The following PLCD3 variants were observed in gnomAD, a reference collection of about 807,000 sequenced individuals.
PLCD3 encodes the protein phospholipase C delta 3, also known as 1-phosphatidylinositol 4,5-bisphosphate phosphodiesterase delta-3.
A neutral mutation model predicts 82.8 loss-of-function variants in PLCD3; 62 were observed. The observed-to-expected ratio is 0.75, with a 90% CI of 0.61 to 0.93. PLCD3 has a LOEUF of 0.93. Among genes scored for constraint, PLCD3 ranks in the 40% least tolerant of loss-of-function variants. The pLI, the probability that PLCD3 is intolerant of heterozygous loss-of-function variation, is 0.00. For missense variants in PLCD3, 1,023 were observed against 1,103.4 expected, an observed-to-expected ratio of 0.93 and a Z score of 1.03; for synonymous variants, 478 against 471.8, an observed-to-expected ratio of 1.01 and a Z score of -0.17.
Position 45,118,311 on chromosome 17 carries a change from G to A in PLCD3, c.1095C>T (p.Ser365=). Residue 365 remains serine (S), a synonymous_variant, in exon 6 of 15, where the codon AGC becomes AGT. Transcript: ENST00000619929. The surrounding 1 kb of genome is among the most constrained non-coding windows in gnomAD (Gnocchi z 4.1). ...AGTACCTAACATAGGCCTCGGTGCT[G>A]CTGGGCCCCCCGATCTGGGAGTCAG... is the stretch of plus-strand genomic sequence containing the variant. ...YLTDSQIGGP[S]STEAYVRAFA... The A allele has an allele frequency of 6.2e-7, 1 of 1,614,064 alleles. No individual in the cohort carries two copies.
At chr17:45,120,530 C>T (rs2054328082) in intron 3 of PLCD3, 76 bp from the exon 4 acceptor site, 1 of 1,594,112 alleles carries the variant, frequency 6.3e-7, no homozygotes, top group Non-Finnish European at 8.6e-7. Context: ...TAAGTCACCC[C>T]CACCTGGGTC....
intron 2 of PLCD3, 33 bp from the exon 3 acceptor site, chr17:45,121,163 G>A (rs779925666): frequency 3.9e-6 from 6 of 1,523,996 alleles, no homozygotes; most frequent in South Asian, 2.5e-5. Context: ...GCGGAGGACC[G>A]GGCCTGTCCC....
intron 10 of PLCD3, 69 bp from the exon 11 acceptor site, chr17:45,114,435 C>T: frequency 1.5e-6 from 2 of 1,301,782 alleles, no homozygotes; most frequent in Non-Finnish European, 1.1e-6. Flanking sequence ...CGGCCTGTAA[C>T]CTCCAGGGAA....
intron 1 of PLCD3, among the ~76,000 whole-genome samples, chr17:45,123,959 C>CA (rs993389753): frequency 7.3e-6 from 1 of 136,208 alleles, no homozygotes; most frequent in Non-Finnish European, 1.6e-5. Context: ...TCACCAGACC[C>CA]CCCCCCCAAC....
chr17:45,122,222 A>G (rs1436278285), intron 1 of PLCD3, among the ~76,000 whole-genome samples: 2 of 151,924 alleles, frequency 1.3e-5, no homozygotes, highest in Admixed American at 1.3e-4. Flanking sequence ...TGCCCAGCTG[A>G]TCTCCAGGCA....
rs754972053 is a variant in PLCD3 at position 45,118,508 on chromosome 17, G to A, written c.914-16C>T. ...TGCTGCTTGGCTGCAGGGGTGGCAGGAGAGGGCATCAGGCCACATAGGGAT... is the reference window on the plus strand; with the variant it reads ...TGCTGCTTGGCTGCAGGGGTGGCAGAAGAGGGCATCAGGCCACATAGGGAT... On this transcript the variant is annotated splice_polypyrimidine_tract_variant and intron_variant, in intron 5 of 14. Transcript: ENST00000619929. This position sits in a 1 kb window ranked among gnomAD's most constrained non-coding sequence, Gnocchi z 4.1. The A allele has an allele frequency of 2.5e-6, 4 of 1,613,542 alleles. No homozygotes were observed. In the South Asian group the frequency reaches 3.3e-5, roughly 13 times the overall value.
chr17:45,130,652 C>A (rs2054413249), intron 1 of PLCD3, among the ~76,000 whole-genome samples: 1 of 152,152 alleles, frequency 6.6e-6, no homozygotes, highest in Non-Finnish European at 1.5e-5. Flanking sequence ...CTGGTCCCCA[C>A]CCCTTGCCCA....
In PLCD3 at chr17:45,121,214, T is replaced by A; in HGVS notation, c.322A>T (p.Ile108Phe). The A allele has an allele frequency of 3.2e-6, 5 of 1,584,604 alleles. No homozygotes were observed. Among genetic ancestry groups the A allele is most frequent in the Non-Finnish European group, 4.3e-6 (5 of 1,173,786 alleles). ...RRIPRAPSQH[I>F]FFVQHIEAVR... is the part of the protein sequence containing the mutation. ...CCGGCGCTCCCCGGCCTCTCACAGA[T>A]GTGCTGCGATGGCGCACGCGGGATG... Residue 108 changes from isoleucine to phenylalanine, a missense_variant, in exon 2 of 15, where the codon ATC (isoleucine) becomes TTC (phenylalanine). Physicochemically the swap from Ile to Phe is conservative, Grantham distance 21. Coordinates refer to ENST00000619929, the MANE Select transcript of PLCD3 (RefSeq NM_133373.5).
At chr17:45,127,224 A>T (rs12603905) in intron 1 of PLCD3, among the ~76,000 whole-genome samples, 32,103 of 152,088 alleles carry the variant, frequency 0.21, 3,559 homozygotes, top group Middle Eastern at 0.33. Context: ...ACGTGTTCTG[A>T]TCCATCTGTC....
chr17:45,113,426 C>T lies in PLCD3; in HGVS notation c.1995+13G>A, dbSNP rs1396987866. On this transcript the variant is annotated intron_variant, in intron 12 of 14. Transcript: ENST00000619929. ...GTCTGACCCCACACTGGGGCCCGTT[C>T]CAGCCTGCTGACCTGGATGCTGAGA... 1 of 1,584,938 alleles carries T rather than the reference C, an allele frequency of 6.3e-7. No homozygotes were observed. Among genetic ancestry groups the T allele is most frequent in the Non-Finnish European group, 8.6e-7 (1 of 1,165,572 alleles).
chr17:45,119,141 T>A (rs918751946), intron 4 of PLCD3, 98 bp from the exon 5 acceptor site: 4 of 896,304 alleles, frequency 4.5e-6, no homozygotes, highest in East Asian at 5.3e-5. Flanking sequence ...AAGGCAATGG[T>A]CCCCATTTCA....
At position 45,112,568 on chromosome 17, in the gene PLCD3, G is replaced by A; in HGVS notation, c.*48C>T. 3 of 1,514,238 alleles carry A rather than the reference G, an allele frequency of 2.0e-6. No individual in the cohort carries two copies. Among genetic ancestry groups the A allele is most frequent in the Non-Finnish European group, 2.7e-6 (3 of 1,111,344 alleles). The allele number at this position is 1,514,238 out of a possible 1,614,324, so 93.8% of individuals were successfully genotyped here. On this transcript the variant is annotated 3_prime_UTR_variant, in exon 15 of 15. Transcript: ENST00000619929. ...CCAGAGGAGGAGAGGGCTCTGCAGG[G>A]GATGTGGACTGGCACTCGCAGAACC...
At chr17:45,121,562 G>A (rs2054341257) in intron 1 of PLCD3, among the ~76,000 whole-genome samples, 190 bp from the exon 2 acceptor site, 1 of 152,118 alleles carries the variant, frequency 6.6e-6, no homozygotes, top group Admixed American at 6.5e-5. Flanking sequence ...CACTGGGTTT[G>A]GCTTTAGGCT....
At position 45,127,169 on chromosome 17, in the gene PLCD3, G is replaced by T. The variant is rs540057981; in HGVS notation, c.163+5079C>A. 5.9e-5 allele frequency among the ~76,000 whole-genome samples: 9 copies of T among 152,298 alleles called. No homozygotes were observed. The South Asian group carries it at 1.2e-3, about 21-fold the overall frequency. Reference sequence around the variant, plus strand: ...ATCACAAAGAAGGAAACTGAGGCAGGGCTCTGGGGAAGTGAGTTAGTGCCC... The same window carrying T: ...ATCACAAAGAAGGAAACTGAGGCAGTGCTCTGGGGAAGTGAGTTAGTGCCC... On this transcript the variant is annotated intron_variant, in intron 1 of 14. Transcript: ENST00000619929.
rs374168132 is a variant in PLCD3, at chr17:45,114,373, C to A, written c.1712-7G>T. On this transcript the variant is annotated splice_polypyrimidine_tract_variant and splice_region_variant and intron_variant, in intron 10 of 14. Coordinates refer to ENST00000619929, the MANE Select transcript of PLCD3 (RefSeq NM_133373.5). Reference sequence around the variant, plus strand: ...TGCCTGACAAAGCTGTTCCCTGGGGCAGAGTTGGGGTGAGACCGTGACAGA... The same window carrying A: ...TGCCTGACAAAGCTGTTCCCTGGGGAAGAGTTGGGGTGAGACCGTGACAGA... The A allele has an allele frequency of 1.8e-5, 28 of 1,547,594 alleles. No individual in the cohort carries two copies. Among genetic ancestry groups the A allele is most frequent in the Non-Finnish European group, 2.3e-5 (26 of 1,145,454 alleles).
At chr17:45,130,257 G>A (rs58219619) in intron 1 of PLCD3, among the ~76,000 whole-genome samples, 29,686 of 152,130 alleles carry the variant, frequency 0.2, 3,125 homozygotes, top group South Asian at 0.24. Context: ...CAGAGCTCCC[G>A]TGCAGCCTTA....
chr17:45,116,764 G>A lies in PLCD3; in HGVS notation c.1281C>T (p.Ile427=), dbSNP rs757638382. The stretch of plus-strand genomic sequence containing the variant: ...GCCCGCAGTGGTTCTCCAGGGATAG[G>A]ATGACAGGGTAAGGGGACAGCTGTG... The part of the protein sequence containing the change: ...HAFTLSPYPV[I]LSLENHCGLE... Residue 427 remains isoleucine (I), a synonymous_variant, in exon 8 of 15, where the codon ATC becomes ATT. Coordinates refer to ENST00000619929, the MANE Select transcript of PLCD3 (RefSeq NM_133373.5). 44 of 1,605,896 alleles carry A rather than the reference G, an allele frequency of 2.7e-5. No homozygotes were observed. The highest frequency in any genetic ancestry group is 3.7e-5 in the Non-Finnish European group (43 of 1,175,498).
Position 45,112,971 on chromosome 17 carries a change from G to A in PLCD3, c.2173C>T (p.Arg725Trp), listed in dbSNP as rs373566385. 1.7e-5 allele frequency: 28 copies of A among 1,611,422 alleles called. No homozygotes were observed. Among genetic ancestry groups the A allele is most frequent in the Admixed American group, 3.3e-5 (2 of 59,772 alleles). ...RWGQTLQFQL[R>W]APELALVRFV... ...CGGACCAGTGCCAGCTCCGGAGCCC[G>A]CAGCTGGAACTGCAGGGTCTGCCCC... Residue 725 changes from arginine (R) to tryptophan (W), a missense_variant, in exon 14 of 15, where the codon CGG (arginine) becomes TGG (tryptophan). By Grantham distance (101) the Arg-to-Trp change is moderately radical. Coordinates refer to ENST00000619929, the MANE Select transcript of PLCD3 (RefSeq NM_133373.5).
At chr17:45,115,633 C>T in intron 8 of PLCD3, 143 bp from the exon 9 acceptor site, 1 of 724,018 alleles carries the variant, frequency 1.4e-6, no homozygotes, top group Non-Finnish European at 2.2e-6. Context: ...AGCGATGTTT[C>T]TAATAGGAAA....
Sources: gnomAD v4.1 joint callset for allele counts (sites outside exome capture counted in the v4.1 genomes callset) on GRCh38, gnomAD v4.1.1 for gene constraint, Gnocchi (gnomAD v3.1) non-coding constraint, MANE v1.5 for transcripts, NCBI Gene and HGNC (gene_info 2026-07-23, HGNC 2026-07-21) for gene names.